The following PCDHGB7 variants were observed in gnomAD, a reference collection of about 807,000 sequenced individuals.
The protein encoded by PCDHGB7 is protocadherin gamma-B7.
In PCDHGB7, 37 loss-of-function variants were observed where a neutral mutation model predicts 61.4. That is an observed-to-expected ratio of 0.60 (90% CI 0.46 to 0.79). The LOEUF (loss-of-function observed/expected upper bound fraction) is 0.79, where lower values mean the gene tolerates loss of function less well. Among genes scored for constraint, PCDHGB7 ranks in the 30% least tolerant of loss-of-function variants. PCDHGB7 has a pLI of 0.00. For synonymous variants in PCDHGB7, 464 were observed against 503.5 expected, an observed-to-expected ratio of 0.92 and a Z score of 1.05; for missense variants, 1,166 against 1,202.5, an observed-to-expected ratio of 0.97 and a Z score of 0.45.
intron 1 of PCDHGB7, chr5:141,442,016 C>CCA (rs1561906409): frequency 4.6e-6 from 1 of 219,336 alleles, no homozygotes; most frequent in African/African-American, 2.4e-5. Context: ...GCACGATGGG[C>CCA]CACAGGAAAG....
chr5:141,431,405 G>A lies in PCDHGB7; in HGVS notation c.2415+11131G>A, dbSNP rs2097369508. Reference sequence around the variant, plus strand: ...TCACCACCTGGTCCTTACGGCCTCCGACGGGGGCGACCCGGTGCGCACAGG... The same window carrying A: ...TCACCACCTGGTCCTTACGGCCTCCAACGGGGGCGACCCGGTGCGCACAGG... On this transcript the variant is annotated intron_variant, in intron 1 of 3. Transcript: ENST00000398594. The surrounding 1 kb of genome is among the most constrained non-coding windows in gnomAD (Gnocchi z 4.8). 1 of 1,613,614 alleles carries A rather than the reference G, an allele frequency of 6.2e-7. No individual in the cohort carries two copies.
At position 141,418,815 on chromosome 5, in the gene PCDHGB7, T is replaced by C. The variant is rs368396202; in HGVS notation, c.956T>C (p.Ile319Thr). The stretch of plus-strand genomic sequence containing the variant: ...GAAGTAGAAAGATATACGATAAACA[T>C]AGAAGCAAAAGACCGAGGATCTCTC... ...FEEVERYTIN[I>T]EAKDRGSLST... Residue 319 changes from isoleucine (I) to threonine (T), a missense_variant, in exon 1 of 4, where the codon ATA (isoleucine) becomes ACA (threonine). Transcript: ENST00000398594. 509 of 1,613,744 alleles carry C rather than the reference T, an allele frequency of 3.2e-4. No homozygotes were observed. The highest frequency in any genetic ancestry group is 4.1e-4 in the Non-Finnish European group (488 of 1,179,804).
chr5:141,455,254 G>T (rs936599726), intron 1 of PCDHGB7, among the ~76,000 whole-genome samples: 3 of 151,732 alleles, frequency 2.0e-5, no homozygotes, highest in African/African-American at 7.3e-5. Context: ...TAGTACAATC[G>T]CATTTCTTCC....
intron 2 of PCDHGB7, among the ~76,000 whole-genome samples, chr5:141,499,686 T>G (rs1400567357): frequency 1.3e-5 from 2 of 149,346 alleles, no homozygotes; most frequent in Non-Finnish European, 3.0e-5. Flanking sequence ...CTTTAACAGA[T>G]GACTTTTTTT....
At position 141,510,228 on chromosome 5, in the gene PCDHGB7, G is replaced by A. The variant is rs529723748; in HGVS notation, c.2564-719G>A. The stretch of plus-strand genomic sequence containing the variant: ...GCAGAGGTTGCAGTGAGCCGGGATC[G>A]CGCCACTGCACTCCAGGCTGGGCGA... On this transcript the variant is annotated intron_variant, in intron 3 of 3. Coordinates refer to ENST00000398594, the MANE Select transcript of PCDHGB7 (RefSeq NM_018927.4). Among the ~76,000 whole-genome samples the A allele has an allele frequency of 1.4e-3, 208 of 150,722 alleles. 1 individual carries two copies. Among genetic ancestry groups the A allele is most frequent in the African/African-American group, 4.7e-3 (193 of 40,860 alleles).
At position 141,418,145 on chromosome 5, in the gene PCDHGB7, T is replaced by G; in HGVS notation, c.286T>G (p.Cys96Gly). Reference protein sequence around the residue: ...VKDRIDREQICKERRRCELQL... With the variant: ...VKDRIDREQIGKERRRCELQL... ...GGACCGAATAGACCGTGAGCAAATA[T>G]GCAAAGAGAGAAGAAGATGTGAGTT... is the stretch of plus-strand genomic sequence containing the variant. The change falls in exon 1 of 4, where the codon TGC (cysteine) becomes GGC (glycine). Residue 96 changes from cysteine (C) to glycine (G), a missense_variant. Transcript: ENST00000398594. 2.5e-6 allele frequency: 4 copies of G among 1,614,052 alleles called. No homozygotes were observed. Among genetic ancestry groups the G allele is most frequent in the Non-Finnish European group, 3.4e-6 (4 of 1,179,908 alleles).
rs191916514 is a variant in PCDHGB7, at chr5:141,456,716, G to A, written c.2415+36442G>A. 3.9e-3 allele frequency among the ~76,000 whole-genome samples: 589 copies of A among 152,314 alleles called. 5 individuals carry two copies. Among genetic ancestry groups the A allele is most frequent in the Admixed American group, 0.011 (169 of 15,300 alleles). On this transcript the variant is annotated intron_variant, in intron 1 of 3. Transcript: ENST00000398594. ...GTGGTGGCTCGCGCCTGTAATCCCA[G>A]CACTTTGGGAGGCTGAGGCGGGAGC...
At chr5:141,443,059 A>G (rs148799842) in intron 1 of PCDHGB7, among the ~76,000 whole-genome samples, 145 of 152,348 alleles carry the variant, frequency 9.5e-4, no homozygotes, top group African/African-American at 3.3e-3. Context: ...GTTCCACTGA[A>G]GAGCGTCTTA....
intron 1 of PCDHGB7, among the ~76,000 whole-genome samples, chr5:141,460,961 A>ATGTG (rs35821115): frequency 4.1e-5 from 6 of 144,616 alleles, no homozygotes; most frequent in South Asian, 2.2e-4. Context: ...GTATATATAT[A>ATGTG]TGTGTGTGTG....
chr5:141,425,897 A>G (rs893972047), intron 1 of PCDHGB7, among the ~76,000 whole-genome samples: 1 of 152,240 alleles, frequency 6.6e-6, no homozygotes, highest in African/African-American at 2.4e-5. Context: ...TTTGGTAGTA[A>G]ACACTGGAAA....
At chr5:141,467,114 G>A (rs971182917) in intron 1 of PCDHGB7, among the ~76,000 whole-genome samples, 5 of 149,522 alleles carry the variant, frequency 3.3e-5, no homozygotes, top group South Asian at 2.1e-4. Context: ...GTACAATGGT[G>A]CAATCTCAGC....
intron 3 of PCDHGB7, among the ~76,000 whole-genome samples, chr5:141,505,765 T>C (rs970212345): frequency 5.3e-5 from 8 of 151,922 alleles, no homozygotes; most frequent in African/African-American, 1.9e-4. Flanking sequence ...ACAGTGTAGC[T>C]CAGGTCCTAG....
intron 1 of PCDHGB7, among the ~76,000 whole-genome samples, chr5:141,435,951 G>C (rs371199258): frequency 3.9e-5 from 6 of 152,100 alleles, no homozygotes; most frequent in African/African-American, 1.4e-4. Flanking sequence ...ACCAAAAAAG[G>C]GGGCAAAATA....
chr5:141,440,451 A>G (rs2098179077), intron 1 of PCDHGB7: 1 of 152,230 alleles, frequency 6.6e-6, no homozygotes, highest in Non-Finnish European at 1.5e-5. Flanking sequence ...CATCTCAAAA[A>G]AAATGAACAA....
rs1562063782 is a variant in PCDHGB7, at chr5:141,477,676, A to G, written c.2416-17131A>G. ...TAAATCGTGACAATGGCATAGTGTC[A>G]TCCTTAGTGCCCCTAGACTATGAGG... On this transcript the variant is annotated intron_variant, in intron 1 of 3. Coordinates refer to ENST00000398594, the MANE Select transcript of PCDHGB7 (RefSeq NM_018927.4). This position sits in a 1 kb window ranked among gnomAD's most constrained non-coding sequence, Gnocchi z 4.9. The G allele has an allele frequency of 1.2e-6, 2 of 1,614,194 alleles. No homozygotes were observed. The highest frequency in any genetic ancestry group is 1.7e-6 in the Non-Finnish European group (2 of 1,180,046).
chr5:141,491,072 C>T lies in PCDHGB7; in HGVS notation c.2416-3735C>T, dbSNP rs778221466. The T allele has an allele frequency of 6.2e-7, 1 of 1,614,204 alleles. No individual in the cohort carries two copies. Among genetic ancestry groups the T allele is most frequent in the South Asian group, 1.1e-5 (1 of 91,086 alleles). On this transcript the variant is annotated intron_variant, in intron 1 of 3. Coordinates refer to ENST00000398594, the MANE Select transcript of PCDHGB7 (RefSeq NM_018927.4). The surrounding 1 kb of genome is among the most constrained non-coding windows in gnomAD (Gnocchi z 6.9). ...GCGTGGCTCTCCTACTCACTGTTGCCACAGTCCACAGCCCCAGGACTGTTC... is the reference window on the plus strand; with the variant it reads ...GCGTGGCTCTCCTACTCACTGTTGCTACAGTCCACAGCCCCAGGACTGTTC...
At position 141,490,819 on chromosome 5, in the gene PCDHGB7, C is replaced by T; in HGVS notation, c.2416-3988C>T. Reference sequence around the variant, plus strand: ...CCAGCGTACCTTTGACTATGAATTGCTGCAGATGCTGCAGATTGTGGTGGG... The same window carrying T: ...CCAGCGTACCTTTGACTATGAATTGTTGCAGATGCTGCAGATTGTGGTGGG... On this transcript the variant is annotated intron_variant, in intron 1 of 3. Transcript: ENST00000398594. This position sits in a 1 kb window ranked among gnomAD's most constrained non-coding sequence, Gnocchi z 5.4. 2 of 1,613,842 alleles carry T rather than the reference C, an allele frequency of 1.2e-6. No individual in the cohort carries two copies. Among genetic ancestry groups the T allele is most frequent in the Non-Finnish European group, 8.5e-7 (1 of 1,179,804 alleles).
Position 141,477,780 on chromosome 5 carries a change from T to C in PCDHGB7, c.2416-17027T>C. On this transcript the variant is annotated intron_variant, in intron 1 of 3. Coordinates refer to ENST00000398594, the MANE Select transcript of PCDHGB7 (RefSeq NM_018927.4). The surrounding 1 kb of genome is among the most constrained non-coding windows in gnomAD (Gnocchi z 4.9). ...CTAGCCACCAACATCAGCGTGAACA[T>C]ATTTGTCACTGATCGCAATGACAAT... 6.2e-7 allele frequency: 1 copy of C among 1,614,048 alleles called. No homozygotes were observed. Among genetic ancestry groups the C allele is most frequent in the Non-Finnish European group, 8.5e-7 (1 of 1,180,030 alleles).
chr5:141,422,633 G>T lies in PCDHGB7; in HGVS notation c.2415+2359G>T, dbSNP rs769515606. 10 of 1,613,120 alleles carry T rather than the reference G, an allele frequency of 6.2e-6. No individual in the cohort carries two copies. In the East Asian group the frequency reaches 2.0e-4, roughly 32 times the overall value. ...TACATTCCCGAAAACAACCCCAGGG[G>T]TGCCTCCATCTTCTCAGTGACCGCC... On this transcript the variant is annotated intron_variant, in intron 1 of 3. Coordinates refer to ENST00000398594, the MANE Select transcript of PCDHGB7 (RefSeq NM_018927.4).
Sources: allele counts gnomAD v4.1 joint callset (sites outside exome capture counted in the v4.1 genomes callset), GRCh38; gene constraint gnomAD v4.1.1; non-coding constraint Gnocchi (gnomAD v3.1); transcripts MANE v1.5; gene names NCBI Gene and HGNC (gene_info 2026-07-23, HGNC 2026-07-21).